Variants in AUTS2 observed in about 807,000 individuals in gnomAD.
The protein encoded by AUTS2 is activator of transcription and developmental regulator AUTS2, also known as autism susceptibility gene 2 protein.
In AUTS2, 17 loss-of-function variants were observed where a neutral mutation model predicts 112.4. The ratio of observed to expected loss-of-function variants is 0.15; its 90% confidence interval spans 0.10 to 0.23. The LOEUF (loss-of-function observed/expected upper bound fraction) is 0.23. Among genes scored for constraint, AUTS2 ranks in the 10% least tolerant of loss-of-function variants. The pLI is 1.00. For synonymous variants in AUTS2, 751 were observed against 702.7 expected (o/e 1.07, Z -1.09); for missense variants, 1,510 against 1,701.6 (o/e 0.89, Z 1.98).
At chr7:70,778,404 GAGAT>G (rs910820848) in intron 14 of AUTS2, among the ~76,000 whole-genome samples, 13 of 152,104 alleles carry the variant, frequency 8.5e-5, no homozygotes, top group Non-Finnish European at 1.5e-4. Flanking sequence ...AATGAGCCAG[GAGAT>G]AGATAGAGCT....
At chr7:70,161,103 C>G (rs1808054723) in intron 4 of AUTS2, among the ~76,000 whole-genome samples, 1 of 151,986 alleles carries the variant, frequency 6.6e-6, no homozygotes, top group South Asian at 2.1e-4. Context: ...CTTTTTTTAC[C>G]CTTGAAGACA....
At chr7:70,137,773 T>C (rs1255183027) in intron 4 of AUTS2, among the ~76,000 whole-genome samples, 1 of 152,242 alleles carries the variant, frequency 6.6e-6, no homozygotes, top group Non-Finnish European at 1.5e-5. Context: ...CCTTCTGTTA[T>C]TCACACAATC....
chr7:69,953,930 C>G (rs12698824), intron 2 of AUTS2, among the ~76,000 whole-genome samples: 25,229 of 152,050 alleles, frequency 0.17, 2,138 homozygotes, highest in Middle Eastern at 0.23. Context: ...TACCTCACAG[C>G]TGAGCAGATA....
chr7:69,677,045 A>G (rs1284436793), intron 1 of AUTS2, among the ~76,000 whole-genome samples: 1 of 152,146 alleles, frequency 6.6e-6, no homozygotes, highest in Non-Finnish European at 1.5e-5. Flanking sequence ...CTGAAGAGAG[A>G]TAGAAAATCT....
chr7:69,931,357 G>T (rs1562976356), intron 2 of AUTS2, among the ~76,000 whole-genome samples: 1 of 152,178 alleles, frequency 6.6e-6, no homozygotes, highest in Non-Finnish European at 1.5e-5. Flanking sequence ...AATCTTAACT[G>T]TCTCTACATT....
intron 4 of AUTS2, among the ~76,000 whole-genome samples, chr7:70,295,119 A>G (rs1480099759): frequency 1.3e-5 from 2 of 152,236 alleles, no homozygotes; most frequent in African/African-American, 4.8e-5. Context: ...ATAAAATAGA[A>G]TTGGAGTTTA....
At chr7:70,151,522 G>T (rs775234838) in intron 4 of AUTS2, among the ~76,000 whole-genome samples, 14 of 152,148 alleles carry the variant, frequency 9.2e-5, no homozygotes, top group Non-Finnish European at 1.8e-4. Flanking sequence ...TGCCCAAGCT[G>T]GAGTGCAATG....
Position 70,072,050 on chromosome 7 carries a change from T to C in AUTS2, c.523-46082T>C, listed in dbSNP as rs149282528. 4.1e-4 allele frequency among the ~76,000 whole-genome samples: 62 copies of C among 152,318 alleles called. 1 individual carries two copies. The East Asian group carries it at 0.011, about 27-fold the overall frequency. The stretch of plus-strand genomic sequence containing the variant: ...ATTACTTGGCGGCCTTTAACTCTTA[T>C]AGAATTGGGAGAGAACACTGACAAA... On this transcript the variant is annotated intron_variant, in intron 2 of 18. Coordinates refer to ENST00000342771, the MANE Select transcript of AUTS2 (RefSeq NM_015570.4).
At chr7:70,106,553 C>G (rs1804777794) in intron 2 of AUTS2, among the ~76,000 whole-genome samples, 1 of 152,054 alleles carries the variant, frequency 6.6e-6, no homozygotes, top group Admixed American at 6.6e-5. Context: ...AATCTTGTCT[C>G]TCAAAAAAAT....
chr7:70,268,875 G>T (rs1787556942), intron 4 of AUTS2, among the ~76,000 whole-genome samples: 1 of 151,988 alleles, frequency 6.6e-6, no homozygotes, highest in African/African-American at 2.4e-5. Flanking sequence ...AGAGTATACT[G>T]AATATAAAAA....
At chr7:70,676,842 A>G (rs1436514532) in intron 5 of AUTS2, among the ~76,000 whole-genome samples, 1 of 151,750 alleles carries the variant, frequency 6.6e-6, no homozygotes, top group East Asian at 1.9e-4. Flanking sequence ...ATGCCATTGC[A>G]CTCCAGCCTG....
At chr7:69,846,878 A>G (rs1296043157) in intron 1 of AUTS2, among the ~76,000 whole-genome samples, 1 of 152,150 alleles carries the variant, frequency 6.6e-6, no homozygotes, top group Non-Finnish European at 1.5e-5. Flanking sequence ...CGGCCCCCAC[A>G]TCAGCTTTCT....
At chr7:70,303,434 G>GCGCACACACACACACACACACACA (rs1241517255) in intron 4 of AUTS2, among the ~76,000 whole-genome samples, 16 of 141,946 alleles carry the variant, frequency 1.1e-4, no homozygotes, top group Admixed American at 4.2e-4. Flanking sequence ...GCGCGCGCGC[G>GCGCACACACACACACACACACACA]CACATACACA....
intron 1 of AUTS2, among the ~76,000 whole-genome samples, chr7:69,898,804 A>G (rs377250186): frequency 1.3e-5 from 2 of 152,348 alleles, no homozygotes; most frequent in East Asian, 1.9e-4. Flanking sequence ...TAATCATATG[A>G]ATAGACAGTT....
intron 5 of AUTS2, among the ~76,000 whole-genome samples, chr7:70,619,634 A>G (rs1172407739): frequency 5.9e-5 from 9 of 151,766 alleles, no homozygotes; most frequent in Non-Finnish European, 1.3e-4. Context: ...TTGTTTTTCA[A>G]GAGGTGTTGT....
intron 5 of AUTS2, among the ~76,000 whole-genome samples, chr7:70,620,401 C>G (rs1167300756): frequency 6.6e-6 from 1 of 152,032 alleles, no homozygotes; most frequent in African/African-American, 2.4e-5. Context: ...TTTACCTGTT[C>G]AAGGAGTCCT....
intron 4 of AUTS2, among the ~76,000 whole-genome samples, chr7:70,433,783 C>T (rs1795774563): frequency 6.6e-6 from 1 of 152,140 alleles, no homozygotes; most frequent in Non-Finnish European, 1.5e-5. Flanking sequence ...GATATAAGTT[C>T]CTAAATGCTT....
At chr7:70,296,480 C>T (rs1788939435) in intron 4 of AUTS2, among the ~76,000 whole-genome samples, 1 of 152,170 alleles carries the variant, frequency 6.6e-6, no homozygotes, top group South Asian at 2.1e-4. Flanking sequence ...TCAAATATAT[C>T]AGCATTTTCA....
chr7:70,760,569 A>G (rs1789507186), intron 6 of AUTS2, among the ~76,000 whole-genome samples: 1 of 152,248 alleles, frequency 6.6e-6, no homozygotes, highest in South Asian at 2.1e-4. Context: ...CTGTGAAAGA[A>G]AAATATGGGA....
Sources: allele counts gnomAD v4.1 joint callset (sites outside exome capture counted in the v4.1 genomes callset), GRCh38; gene constraint gnomAD v4.1.1; transcripts MANE v1.5; gene names NCBI Gene and HGNC (gene_info 2026-07-23, HGNC 2026-07-21).